The following PLXNA2 variants were observed in gnomAD, a reference collection of about 807,000 sequenced individuals.
PLXNA2 encodes plexin-A2.
PLXNA2 carries 91 observed loss-of-function variants against 193.5 expected under a neutral mutation model. That is an observed-to-expected ratio of 0.47 (90% CI 0.40 to 0.56). The LOEUF (loss-of-function observed/expected upper bound fraction) is 0.56, where lower values mean the gene tolerates loss of function less well. PLXNA2 is among the 20% of genes least tolerant of loss of function. PLXNA2 has a pLI of 0.00. For synonymous variants in PLXNA2, 997 were observed against 1,027.3 expected, an observed-to-expected ratio of 0.97 and a Z score of 0.56; for missense variants, 1,995 against 2,503.2, an observed-to-expected ratio of 0.80 and a Z score of 4.33.
intron 12 of PLXNA2, among the ~76,000 whole-genome samples, chr1:208,070,444 C>T (rs1294404902): frequency 6.6e-6 from 1 of 152,014 alleles, no homozygotes. Flanking sequence ...GTCTAGTCTC[C>T]CCAAACAATG....
At chr1:208,143,701 G>T (rs1371801804) in intron 3 of PLXNA2, among the ~76,000 whole-genome samples, 2 of 151,820 alleles carry the variant, frequency 1.3e-5, no homozygotes, top group Non-Finnish European at 2.9e-5. Context: ...CCTCTCTAAT[G>T]GCTAATTAAT....
rs1666364808 is a variant in PLXNA2 at position 208,082,156 on chromosome 1, A to G, written c.2395+256T>C. The stretch of plus-strand genomic sequence containing the variant: ...CTAGGTCAGGTTCCACAGACACTTC[A>G]AAGCCTGCAGGAGCCAAAGAATAAC... On this transcript the variant is annotated intron_variant, in intron 11 of 31. Coordinates refer to ENST00000367033, the MANE Select transcript of PLXNA2 (RefSeq NM_025179.4). This position sits in a 1 kb window ranked among gnomAD's most constrained non-coding sequence, Gnocchi z 4.2. 6.6e-6 allele frequency among the ~76,000 whole-genome samples: 1 copy of G among 152,212 alleles called. No homozygotes were observed. Among genetic ancestry groups the G allele is most frequent in the African/African-American group, 2.4e-5 (1 of 41,448 alleles).
chr1:208,109,030 A>G (rs1175842218), intron 4 of PLXNA2, among the ~76,000 whole-genome samples: 2 of 152,184 alleles, frequency 1.3e-5, no homozygotes, highest in Non-Finnish European at 2.9e-5. Flanking sequence ...CTTCCCTGGA[A>G]TCTTCCCTGG....
chr1:208,097,073 G>C (rs768570450), intron 6 of PLXNA2, among the ~76,000 whole-genome samples, 190 bp from the exon 7 acceptor site: 4 of 152,186 alleles, frequency 2.6e-5, no homozygotes, highest in Non-Finnish European at 5.9e-5. Context: ...AATGTGTGTA[G>C]GGTCAATGGT....
chr1:208,040,334 T>C, intron 22 of PLXNA2: 1 of 482,668 alleles, frequency 2.1e-6, no homozygotes, highest in Non-Finnish European at 3.7e-6. Flanking sequence ...TGGCTGCATC[T>C]GAGACAGGGT....
chr1:208,033,638 T>C, intron 27 of PLXNA2, 129 bp from the exon 28 acceptor site: 3 of 671,652 alleles, frequency 4.5e-6, no homozygotes, highest in Non-Finnish European at 7.1e-6. Flanking sequence ...AAGGGGACCG[T>C]TGGGACCTCA....
At chr1:208,233,650 C>T (rs1021950678) in intron 1 of PLXNA2, among the ~76,000 whole-genome samples, 5 of 152,238 alleles carry the variant, frequency 3.3e-5, no homozygotes, top group African/African-American at 1.2e-4. Context: ...CCTCTCATTC[C>T]CTCGCAGCCT....
At chr1:208,051,213 G>A (rs1434169065) in intron 16 of PLXNA2, 43 bp downstream of exon 16, 7 of 1,594,824 alleles carry the variant, frequency 4.4e-6, no homozygotes, top group Non-Finnish European at 4.3e-6. Flanking sequence ...CAGGGATCAT[G>A]CTGGGTGGCT....
intron 3 of PLXNA2, among the ~76,000 whole-genome samples, chr1:208,143,760 A>G (rs1300779005): frequency 6.6e-6 from 1 of 151,980 alleles, no homozygotes; most frequent in Non-Finnish European, 1.5e-5. Flanking sequence ...TTGTCCTAGG[A>G]TAATCAATTG....
Position 208,096,763 on chromosome 1 carries a change from G to A in PLXNA2, c.1852C>T (p.Pro618Ser), listed in dbSNP as rs992691404. 2 of 1,614,080 alleles carry A rather than the reference G, an allele frequency of 1.2e-6. No individual in the cohort carries two copies. The highest frequency in any genetic ancestry group is 3.3e-5 in the Admixed American group (2 of 60,012). ...AGCGGGATGACAGGGACATCCTTGG[G>A]CCCAGGTGAGATGCAGATGACCTGG... ...GSQVICISPGPKDVPVIPLDQ... is the reference protein window; with the variant it reads ...GSQVICISPGSKDVPVIPLDQ... Residue 618 changes from proline (P) to serine (S), a missense_variant, in exon 7 of 32, where the codon CCC becomes TCC. Coordinates refer to ENST00000367033, the MANE Select transcript of PLXNA2 (RefSeq NM_025179.4).
chr1:208,201,670 T>C (rs1670557494), intron 3 of PLXNA2, among the ~76,000 whole-genome samples: 2 of 152,194 alleles, frequency 1.3e-5, no homozygotes, highest in African/African-American at 4.8e-5. Context: ...CCAAGCACCA[T>C]ATTAAGCACT....
intron 1 of PLXNA2, among the ~76,000 whole-genome samples, chr1:208,243,291 C>G (rs1219894599): frequency 6.6e-6 from 1 of 152,110 alleles, no homozygotes; most frequent in Non-Finnish European, 1.5e-5. Flanking sequence ...ACAGCCTTGC[C>G]GCCCCGAGCT....
chr1:208,050,220 C>T (rs150389728), intron 17 of PLXNA2, among the ~76,000 whole-genome samples: 2,048 of 152,332 alleles, frequency 0.013, 46 homozygotes, highest in Non-Finnish European at 0.014. Flanking sequence ...ATGCCAGCCA[C>T]GGGCTGGCAG....
chr1:208,095,830 T>C (rs931576067), intron 8 of PLXNA2, among the ~76,000 whole-genome samples, 199 bp downstream of exon 8: 3 of 152,166 alleles, frequency 2.0e-5, no homozygotes, highest in African/African-American at 7.2e-5. Context: ...TCAGAGACTA[T>C]AGAGAGTAAA....
intron 3 of PLXNA2, among the ~76,000 whole-genome samples, chr1:208,202,867 C>G (rs372533436): frequency 6.6e-6 from 1 of 152,192 alleles, no homozygotes; most frequent in African/African-American, 2.4e-5. Context: ...CAGCTGAATA[C>G]ACAGCCTGAG....
intron 3 of PLXNA2, among the ~76,000 whole-genome samples, chr1:208,178,382 T>A (rs1015012949): frequency 6.6e-6 from 1 of 152,162 alleles, no homozygotes; most frequent in Non-Finnish European, 1.5e-5. Context: ...TGGGGAAGAA[T>A]GAGGGTGGGC....
At chr1:208,066,871 A>G (rs1263969626) in intron 12 of PLXNA2, among the ~76,000 whole-genome samples, 1 of 152,236 alleles carries the variant, frequency 6.6e-6, no homozygotes, top group Non-Finnish European at 1.5e-5. Flanking sequence ...TTTGTGTCTT[A>G]GTCTTTAACA....
intron 17 of PLXNA2, among the ~76,000 whole-genome samples, chr1:208,046,329 C>T (rs552661263): frequency 4.1e-4 from 62 of 152,278 alleles, no homozygotes; most frequent in Middle Eastern, 6.8e-3. Flanking sequence ...CATTCACCAA[C>T]GCTATTTGGG....
intron 3 of PLXNA2, among the ~76,000 whole-genome samples, chr1:208,176,914 T>C (rs1361512797): frequency 6.6e-6 from 1 of 152,194 alleles, no homozygotes; most frequent in South Asian, 2.1e-4. Flanking sequence ...CATAGTCCCC[T>C]GAACCTGCTG....
Sources: gnomAD v4.1 joint callset for allele counts (sites outside exome capture counted in the v4.1 genomes callset) on GRCh38, gnomAD v4.1.1 for gene constraint, Gnocchi (gnomAD v3.1) non-coding constraint, MANE v1.5 for transcripts, NCBI Gene and HGNC (gene_info 2026-07-23, HGNC 2026-07-21) for gene names.